The following KANK1 variants were observed in gnomAD, a reference collection of about 807,000 sequenced individuals.
KANK1 encodes KN motif and ankyrin repeat domain-containing protein 1.
A neutral mutation model predicts 106.2 loss-of-function variants in KANK1; 109 were observed. That is an observed-to-expected ratio of 1.03 (90% CI 0.88 to 1.20). KANK1 has a LOEUF of 1.20. Among genes scored for constraint, KANK1 ranks in the 50% most tolerant of loss-of-function variants. KANK1 has a pLI of 0.00. For missense variants in KANK1, 2,399 were observed against 1,710.7 expected, an observed-to-expected ratio of 1.40 and a Z score of -7.10; for synonymous variants, 873 against 652.2, an observed-to-expected ratio of 1.34 and a Z score of -5.16.
intron 1 of KANK1, among the ~76,000 whole-genome samples, chr9:588,192 C>G (rs1048701874): frequency 6.6e-6 from 1 of 152,088 alleles, no homozygotes; most frequent in African/African-American, 2.4e-5. Flanking sequence ...TTTTTACATA[C>G]TTCTTTTCCT....
At chr9:531,856 G>T (rs1201623513) in intron 1 of KANK1, among the ~76,000 whole-genome samples, 13 of 152,180 alleles carry the variant, frequency 8.5e-5, no homozygotes, top group Admixed American at 6.6e-4. Flanking sequence ...GTGTGTGTGT[G>T]TTGTGTGTGT....
Position 643,565 on chromosome 9 carries a change from G to C in KANK1, c.-83-33325G>C, listed in dbSNP as rs1029085479. On this transcript the variant is annotated intron_variant, in intron 1 of 11. Coordinates refer to ENST00000382297, the MANE Select transcript of KANK1 (RefSeq NM_015158.5). Reference sequence around the variant, plus strand: ...TTGATTTTTTTTTTTTTTTTTTTTTGGTAGTGATAGGGTCTCTCTGTGTTG... The same window carrying C: ...TTGATTTTTTTTTTTTTTTTTTTTTCGTAGTGATAGGGTCTCTCTGTGTTG... 1.0e-4 allele frequency among the ~76,000 whole-genome samples: 4 copies of C among 38,424 alleles called. No homozygotes were observed. In the East Asian group the frequency reaches 2.3e-3, roughly 22 times the overall value. 25.2% of individuals were successfully genotyped at this position (38,424 alleles called of 152,430 possible).
intron 1 of KANK1, among the ~76,000 whole-genome samples, chr9:658,151 G>A (rs1570479): frequency 0.89 from 135,929 of 152,176 alleles, 60,837 homozygotes; most frequent in East Asian, 0.97. Flanking sequence ...TTCCTGGAAT[G>A]TCCAGTGTCC....
intron 1 of KANK1, among the ~76,000 whole-genome samples, chr9:578,066 TGA>T (rs1428995662): frequency 6.6e-6 from 1 of 152,010 alleles, no homozygotes. Context: ...CCACAAGAAC[TGA>T]GAGAGAAGAG....
At chr9:662,047 G>A (rs1239656486) in intron 1 of KANK1, among the ~76,000 whole-genome samples, 4 of 152,236 alleles carry the variant, frequency 2.6e-5, no homozygotes, top group East Asian at 3.9e-4. Flanking sequence ...ATGGGTAGAA[G>A]CCAAATGATG....
chr9:655,452 T>A (rs749820745), intron 1 of KANK1, among the ~76,000 whole-genome samples: 2 of 151,210 alleles, frequency 1.3e-5, no homozygotes, highest in African/African-American at 2.4e-5. Flanking sequence ...GTTAGGAAGC[T>A]TAAGACTTGA....
chr9:725,494 C>G, intron 3 of KANK1, among the ~76,000 whole-genome samples: 1 of 71,666 alleles, frequency 1.4e-5, no homozygotes, highest in Admixed American at 1.6e-4. Context: ...AAGACTCTGT[C>G]TCAAAAAAAA....
chr9:476,186 T>A (rs1490993507), intron 3 of KANK1, among the ~76,000 whole-genome samples: 1 of 150,840 alleles, frequency 6.6e-6, no homozygotes. Flanking sequence ...TACAAGGTCC[T>A]TAAATGCCTG....
chr9:677,537 C>T (rs935125709), intron 2 of KANK1: 1 of 152,242 alleles, frequency 6.6e-6, no homozygotes, highest in Admixed American at 6.5e-5. Context: ...ATATTAGAGA[C>T]TTACATAGTT....
chr9:674,857 C>G (rs578096002), intron 1 of KANK1, among the ~76,000 whole-genome samples: 11 of 152,204 alleles, frequency 7.2e-5, no homozygotes, highest in Non-Finnish European at 1.5e-4. Flanking sequence ...GCGTGCACCA[C>G]CAGCCTTGGC....
chr9:743,589 G>A (rs762311013), intron 10 of KANK1, among the ~76,000 whole-genome samples: 1 of 152,310 alleles, frequency 6.6e-6, no homozygotes, highest in African/African-American at 2.4e-5. Flanking sequence ...GATAGGCTGG[G>A]CACAGTGGGT....
intron 1 of KANK1, among the ~76,000 whole-genome samples, chr9:630,115 G>A (rs1457618327): frequency 1.3e-5 from 2 of 152,026 alleles, no homozygotes; most frequent in African/African-American, 4.8e-5. Flanking sequence ...AGACGTGGTG[G>A]CATGTGCCTA....
intron 1 of KANK1, among the ~76,000 whole-genome samples, chr9:592,747 T>G (rs1422951359): frequency 1.3e-5 from 2 of 151,972 alleles, no homozygotes; most frequent in Admixed American, 6.5e-5. Context: ...TTAATTTCTT[T>G]CCCAAATGAA....
intron 1 of KANK1, among the ~76,000 whole-genome samples, chr9:666,342 T>C (rs1450202916): frequency 2.6e-5 from 4 of 152,212 alleles, no homozygotes; most frequent in Admixed American, 6.5e-5. Context: ...AATTCACTTA[T>C]TACTTCTAAT....
intron 1 of KANK1, among the ~76,000 whole-genome samples, chr9:575,652 C>T (rs532597450): frequency 6.6e-6 from 1 of 152,136 alleles, no homozygotes; most frequent in African/African-American, 2.4e-5. Context: ...GCCTGGGCAA[C>T]AGAGCAAGAC....
At chr9:723,227 T>C (rs993436824) in intron 3 of KANK1, among the ~76,000 whole-genome samples, 5 of 152,112 alleles carry the variant, frequency 3.3e-5, no homozygotes, top group Non-Finnish European at 5.9e-5. Flanking sequence ...CCTTGACCCT[T>C]GGATGCCTGC....
At chr9:683,509 AGCC>A (rs1189074037) in intron 2 of KANK1, among the ~76,000 whole-genome samples, 2 of 152,218 alleles carry the variant, frequency 1.3e-5, no homozygotes, top group Non-Finnish European at 2.9e-5. Flanking sequence ...CTAATGACTA[AGCC>A]AGAAGTTGGA....
chr9:589,578 C>T (rs1177440180), intron 1 of KANK1, among the ~76,000 whole-genome samples: 1 of 151,988 alleles, frequency 6.6e-6, no homozygotes, highest in Middle Eastern at 3.2e-3. Flanking sequence ...TCCGTGACTA[C>T]AGGGCTGGCT....
chr9:682,531 G>A (rs1817775860), intron 2 of KANK1, among the ~76,000 whole-genome samples: 1 of 152,144 alleles, frequency 6.6e-6, no homozygotes, highest in Non-Finnish European at 1.5e-5. Flanking sequence ...TATTTTCAAT[G>A]ACTGTATAAT....
Sources: gnomAD v4.1 joint callset for allele counts (sites outside exome capture counted in the v4.1 genomes callset) on GRCh38, gnomAD v4.1.1 for gene constraint, MANE v1.5 for transcripts, NCBI Gene and HGNC (gene_info 2026-07-23, HGNC 2026-07-21) for gene names.